The following ZDHHC2 variants were observed in gnomAD, a reference collection of about 807,000 sequenced individuals.
ZDHHC2 encodes zDHHC palmitoyltransferase 2.
A neutral mutation model predicts 55.6 loss-of-function variants in ZDHHC2; 51 were observed. The observed-to-expected ratio is 0.92, with a 90% CI of 0.73 to 1.16. The LOEUF (loss-of-function observed/expected upper bound fraction) is 1.16, where lower values mean the gene tolerates loss of function less well. Ranked by LOEUF, ZDHHC2 falls within the 50% of genes most tolerant of loss-of-function variation. ZDHHC2 has a pLI of 0.00. For missense variants in ZDHHC2, 491 were observed against 442.4 expected (o/e 1.11, Z -0.99); for synonymous variants, 199 against 152.9 (o/e 1.30, Z -2.22).
chr8:17,217,516 C>G (rs1807705432), intron 12 of ZDHHC2, among the ~76,000 whole-genome samples: 1 of 152,064 alleles, frequency 6.6e-6, no homozygotes, highest in African/African-American at 2.4e-5. Flanking sequence ...TGGTAGGGAT[C>G]AATCCTAAAA....
At chr8:17,161,150 A>G (rs1412442584) in intron 1 of ZDHHC2, among the ~76,000 whole-genome samples, 1 of 152,236 alleles carries the variant, frequency 6.6e-6, no homozygotes, top group Non-Finnish European at 1.5e-5. Flanking sequence ...GATTCTGTGA[A>G]GTTATGACCT....
chr8:17,165,273 T>C (rs371710536), intron 1 of ZDHHC2, among the ~76,000 whole-genome samples: 1 of 152,310 alleles, frequency 6.6e-6, no homozygotes. Flanking sequence ...GTGACCTGTT[T>C]TAGGAATAAA....
rs1383802707 is a variant in ZDHHC2, at chr8:17,156,836, C to G, written c.113C>G (p.Ala38Gly). Residue 38 changes from alanine (A) to glycine (G), a missense_variant, in exon 1 of 13, where the codon GCC becomes GGC. Physicochemically the swap from Ala to Gly is moderately conservative, Grantham distance 60. Transcript: ENST00000262096. ...CTCGGCTGGTCCTACTACGCCTACGCCATCCAGCTGTGCATAGGTGAGTGC... is the reference window on the plus strand; with the variant it reads ...CTCGGCTGGTCCTACTACGCCTACGGCATCCAGCTGTGCATAGGTGAGTGC... The part of the protein sequence containing the change: ...LLLGWSYYAY[A>G]IQLCIVSMEN... 2 of 1,519,174 alleles carry G rather than the reference C, an allele frequency of 1.3e-6. No individual in the cohort carries two copies. 94.1% of individuals were successfully genotyped at this position (1,519,174 alleles called of 1,614,324 possible).
chr8:17,199,493 CTT>C (rs1563161029), intron 6 of ZDHHC2, among the ~76,000 whole-genome samples: 3 of 37,308 alleles, frequency 8.0e-5, no homozygotes, highest in African/African-American at 2.0e-4. Flanking sequence ...TCTTCTTCTT[CTT>C]CTTCTTCTTC....
In ZDHHC2 at chr8:17,221,952, G is replaced by A. The variant is rs1807935173; in HGVS notation, c.*1731G>A. Reference sequence around the variant, plus strand: ...AAAAAAACCAACAGCAGCACAGGATGTATTAAGAATTATATGAAGTCAGGT... The same window carrying A: ...AAAAAAACCAACAGCAGCACAGGATATATTAAGAATTATATGAAGTCAGGT... On this transcript the variant is annotated 3_prime_UTR_variant, in exon 13 of 13. Transcript: ENST00000262096. 7.3e-6 allele frequency: 1 copy of A among 137,406 alleles called. No homozygotes were observed. The highest frequency in any genetic ancestry group is 7.4e-5 in the Admixed American group (1 of 13,450). The allele number at this position is 137,406 out of a possible 1,614,324, so 8.5% of individuals were successfully genotyped here. A position where few individuals can be genotyped will look rare whatever the true frequency, so the allele number is the denominator to read the frequency against.
chr8:17,197,004 T>G (rs952221492), intron 4 of ZDHHC2, among the ~76,000 whole-genome samples: 1 of 152,204 alleles, frequency 6.6e-6, no homozygotes, highest in Non-Finnish European at 1.5e-5. Context: ...TCACACATAA[T>G]GTTTTCCTGG....
intron 4 of ZDHHC2, among the ~76,000 whole-genome samples, chr8:17,196,943 T>C (rs1481030280): frequency 1.3e-5 from 2 of 152,146 alleles, no homozygotes; most frequent in African/African-American, 4.8e-5. Context: ...ATATTACTTA[T>C]ATTTGTTTCT....
At chr8:17,212,458 A>G (rs1807432701) in intron 10 of ZDHHC2, among the ~76,000 whole-genome samples, 1 of 152,152 alleles carries the variant, frequency 6.6e-6, no homozygotes, top group Non-Finnish European at 1.5e-5. Flanking sequence ...CTGTGGGGTC[A>G]TCCTGGATTC....
rs1039016522 is a variant in ZDHHC2 at position 17,197,121 on chromosome 8, C to T, written c.374-461C>T. On this transcript the variant is annotated intron_variant, in intron 4 of 12. Coordinates refer to ENST00000262096, the MANE Select transcript of ZDHHC2 (RefSeq NM_016353.5). Reference sequence around the variant, plus strand: ...AACAAACACTGCAGAAATTTAAGCCCCCTAGAAATAAATCATTGCTGAGTT... The same window carrying T: ...AACAAACACTGCAGAAATTTAAGCCTCCTAGAAATAAATCATTGCTGAGTT... Among the ~76,000 whole-genome samples the T allele has an allele frequency of 2.0e-5, 3 of 152,030 alleles. No individual in the cohort carries two copies. In the East Asian group the frequency reaches 5.8e-4, roughly 29 times the overall value.
chr8:17,208,039 C>T lies in ZDHHC2; in HGVS notation c.677C>T (p.Ser226Phe), dbSNP rs1387687342. ...FAAAMFSVSL[S>F]SLFGYHCWLV... The stretch of plus-strand genomic sequence containing the variant: ...GCAGCTATGTTTTCTGTCAGCTTGT[C>T]TTCTCTGTTTGGCTATCATTGTTGG... Residue 226 changes from serine (S) to phenylalanine (F), a missense_variant, in exon 8 of 13, where the codon TCT (serine) becomes TTT (phenylalanine). Physicochemically the swap from Ser to Phe is radical, Grantham distance 155. Transcript: ENST00000262096. The T allele has an allele frequency of 6.3e-7, 1 of 1,593,312 alleles. No individual in the cohort carries two copies. Among genetic ancestry groups the T allele is most frequent in the South Asian group, 1.1e-5 (1 of 88,004 alleles).
intron 1 of ZDHHC2, among the ~76,000 whole-genome samples, chr8:17,172,497 C>T (rs1413510251): frequency 6.6e-6 from 1 of 152,168 alleles, no homozygotes; most frequent in African/African-American, 2.4e-5. Flanking sequence ...TGAATGAGTT[C>T]TAGAGATCGG....
intron 12 of ZDHHC2, among the ~76,000 whole-genome samples, chr8:17,218,897 A>G (rs1807773173): frequency 6.6e-6 from 1 of 152,214 alleles, no homozygotes. Context: ...TTTGCAATTC[A>G]TTCCAGTTGT....
At chr8:17,184,014 A>T (rs776219009) in intron 1 of ZDHHC2, among the ~76,000 whole-genome samples, 1 of 152,170 alleles carries the variant, frequency 6.6e-6, no homozygotes, top group Non-Finnish European at 1.5e-5. Context: ...CTGAATAAGG[A>T]CAAAAATATA....
intron 4 of ZDHHC2, among the ~76,000 whole-genome samples, chr8:17,197,308 C>T (rs964822376): frequency 6.6e-6 from 1 of 152,082 alleles, no homozygotes; most frequent in South Asian, 2.1e-4. Context: ...TATTTGTACC[C>T]TTTGTGAGCC....
intron 1 of ZDHHC2, among the ~76,000 whole-genome samples, chr8:17,161,381 A>T (rs1254232166): frequency 6.6e-6 from 1 of 152,254 alleles, no homozygotes; most frequent in African/African-American, 2.4e-5. Context: ...ACAAAAAAAG[A>T]ACAGGCAGTA....
intron 1 of ZDHHC2, among the ~76,000 whole-genome samples, chr8:17,165,611 C>T (rs1440407071): frequency 6.6e-6 from 1 of 152,086 alleles, no homozygotes; most frequent in Non-Finnish European, 1.5e-5. Context: ...TTAATTTATT[C>T]GTTCAAAAAA....
chr8:17,171,950 C>G (rs1461642908), intron 1 of ZDHHC2, among the ~76,000 whole-genome samples: 1 of 151,818 alleles, frequency 6.6e-6, no homozygotes, highest in African/African-American at 2.4e-5. Flanking sequence ...ACTGGCAGCC[C>G]CTTCCTCAAG....
intron 7 of ZDHHC2, among the ~76,000 whole-genome samples, chr8:17,207,463 T>C (rs1373058737): frequency 3.3e-5 from 5 of 152,204 alleles, no homozygotes; most frequent in Admixed American, 2.0e-4. Flanking sequence ...GAATGTGTTG[T>C]TATATGTATT....
rs372348463 is a variant in ZDHHC2 at position 17,170,771 on chromosome 8, C to G, written c.130+13918C>G. ...TGATGTAAGGACATTAAAAAATACTCTACAAAAATTGTTTCAACTTGATTG... is the reference window on the plus strand; with the variant it reads ...TGATGTAAGGACATTAAAAAATACTGTACAAAAATTGTTTCAACTTGATTG... On this transcript the variant is annotated intron_variant, in intron 1 of 12. Coordinates refer to ENST00000262096, the MANE Select transcript of ZDHHC2 (RefSeq NM_016353.5). Among the ~76,000 whole-genome samples, 65 of 152,292 alleles carry G rather than the reference C, an allele frequency of 4.3e-4. No homozygotes were observed. The South Asian group carries it at 0.013, about 31-fold the overall frequency.
Sources: allele counts gnomAD v4.1 joint callset (sites outside exome capture counted in the v4.1 genomes callset), GRCh38; gene constraint gnomAD v4.1.1; transcripts MANE v1.5; gene names NCBI Gene and HGNC (gene_info 2026-07-23, HGNC 2026-07-21).